The following PDE9A variants were observed in gnomAD, a reference collection of about 807,000 sequenced individuals.
The protein encoded by PDE9A is high affinity cGMP-specific 3',5'-cyclic phosphodiesterase 9A.
PDE9A carries 60 observed loss-of-function variants against 87.4 expected under a neutral mutation model. The observed-to-expected ratio is 0.69, with a 90% confidence interval of 0.56 to 0.85. The LOEUF is 0.85. Among genes scored for constraint, PDE9A ranks in the 40% least tolerant of loss-of-function variants. The pLI is 0.00. For missense variants in PDE9A, 665 were observed against 779.0 expected (o/e 0.85, Z 1.74); for synonymous variants, 272 against 279.4 (o/e 0.97, Z 0.27).
intron 3 of PDE9A, chr21:42,697,328 A>G: frequency 1.3e-6 from 1 of 797,772 alleles, no homozygotes; most frequent in Non-Finnish European, 2.2e-6. Context: ...ACCTGTAACC[A>G]TCAAACCACA....
At position 42,692,930 on chromosome 21, in the gene PDE9A, G is replaced by GC. The variant is rs1321941073; in HGVS notation, c.218+4942dup. Among the ~76,000 whole-genome samples, 2 of 152,044 alleles carry GC rather than the reference G, an allele frequency of 1.3e-5. No individual in the cohort carries two copies. Among genetic ancestry groups the GC allele is most frequent in the Non-Finnish European group, 2.9e-5 (2 of 67,992 alleles). ...CGGGAATGCTCACCGTTTCTCTCCC[G>GC]CCCCCCGGCCGCATGCTGCAGCCAT... On this transcript the variant is annotated intron_variant, in intron 3 of 19. Transcript: ENST00000291539. The surrounding 1 kb of genome is among the most constrained non-coding windows in gnomAD (Gnocchi z 4.3).
chr21:42,739,718 G>A lies in PDE9A; in HGVS notation c.569-4058G>A, dbSNP rs1351886836. ...TAGGTAGCCAGGGAAGCGGATCTCGGTGGACTCTGCACTGTCAATACAAAC... is the reference window on the plus strand; with the variant it reads ...TAGGTAGCCAGGGAAGCGGATCTCGATGGACTCTGCACTGTCAATACAAAC... On this transcript the variant is annotated intron_variant, in intron 7 of 19. Coordinates refer to ENST00000291539, the MANE Select transcript of PDE9A (RefSeq NM_002606.3). This position sits in a 1 kb window ranked among gnomAD's most constrained non-coding sequence, Gnocchi z 4.1. Among the ~76,000 whole-genome samples the A allele has an allele frequency of 6.6e-6, 1 of 151,990 alleles. No homozygotes were observed. Among genetic ancestry groups the A allele is most frequent in the African/African-American group, 2.4e-5 (1 of 41,358 alleles).
In PDE9A at chr21:42,659,334, G is replaced by A. The variant is rs1013844136; in HGVS notation, c.69+5451G>A. Among the ~76,000 whole-genome samples the A allele has an allele frequency of 1.3e-5, 2 of 152,196 alleles. No individual in the cohort carries two copies. Among genetic ancestry groups the A allele is most frequent in the African/African-American group, 2.4e-5 (1 of 41,432 alleles). ...AAACCTCTCAGACTAAACCAATGCCGCCCAATCTGGGAATCCAGGAGGGCT... is the reference window on the plus strand; with the variant it reads ...AAACCTCTCAGACTAAACCAATGCCACCCAATCTGGGAATCCAGGAGGGCT... On this transcript the variant is annotated intron_variant, in intron 1 of 19. Coordinates refer to ENST00000291539, the MANE Select transcript of PDE9A (RefSeq NM_002606.3). The surrounding 1 kb of genome is among the most constrained non-coding windows in gnomAD (Gnocchi z 4.1).
chr21:42,760,047 C>T lies in PDE9A; in HGVS notation c.898-281C>T, dbSNP rs557904466. On this transcript the variant is annotated intron_variant, in intron 11 of 19. Coordinates refer to ENST00000291539, the MANE Select transcript of PDE9A (RefSeq NM_002606.3). The surrounding 1 kb of genome is among the most constrained non-coding windows in gnomAD (Gnocchi z 5.2). Reference sequence around the variant, plus strand: ...ATGCCCCACTGTGGCTCCTCAGACACCTCCGGGGAGACCCCAGTCCTTGAC... The same window carrying T: ...ATGCCCCACTGTGGCTCCTCAGACATCTCCGGGGAGACCCCAGTCCTTGAC... Among the ~76,000 whole-genome samples, 67 of 152,116 alleles carry T rather than the reference C, an allele frequency of 4.4e-4. 1 individual carries two copies. The South Asian group carries it at 0.012, about 28-fold the overall frequency.
intron 19 of PDE9A, among the ~76,000 whole-genome samples, chr21:42,773,645 C>CA (rs924799472): frequency 6.7e-6 from 1 of 148,360 alleles, no homozygotes; most frequent in African/African-American, 2.5e-5. Context: ...ACTTTAAACA[C>CA]AAAAAATTAG....
intron 4 of PDE9A, among the ~76,000 whole-genome samples, chr21:42,719,345 C>G (rs530543665): frequency 2.3e-4 from 35 of 151,854 alleles, no homozygotes; most frequent in African/African-American, 6.3e-4. Context: ...GAATATTATT[C>G]CATTCTAGGC....
Position 42,664,042 on chromosome 21 carries a change from G to A in PDE9A, c.69+10159G>A, listed in dbSNP as rs369499536. ...ATGGATCAGAGAGCCCCCAGAGGAC[G>A]GCCCGGGGCCGAGTCGGGTCCAGAT... On this transcript the variant is annotated intron_variant, in intron 1 of 19. Transcript: ENST00000291539. 5.5e-4 allele frequency among the ~76,000 whole-genome samples: 84 copies of A among 152,316 alleles called. No individual in the cohort carries two copies. The South Asian group carries it at 0.017, about 31-fold the overall frequency.
At position 42,675,636 on chromosome 21, in the gene PDE9A, C is replaced by A. The variant is rs1007749903; in HGVS notation, c.70-10556C>A. Among the ~76,000 whole-genome samples the A allele has an allele frequency of 6.6e-6, 1 of 152,192 alleles. No individual in the cohort carries two copies. The highest frequency in any genetic ancestry group is 1.5e-5 in the Non-Finnish European group (1 of 68,036). On this transcript the variant is annotated intron_variant, in intron 1 of 19. Transcript: ENST00000291539. This position sits in a 1 kb window ranked among gnomAD's most constrained non-coding sequence, Gnocchi z 4.3. ...AGCCTCACTGCCTCTGCGTTAGTGC[C>A]GCCACTTCATCTCAGATACTCTCCT...
intron 1 of PDE9A, among the ~76,000 whole-genome samples, chr21:42,670,210 TAC>T (rs746614596): frequency 4.7e-5 from 5 of 105,496 alleles, no homozygotes; most frequent in Non-Finnish European, 8.5e-5. Context: ...CACATACACT[TAC>T]ATTCACACAC....
At chr21:42,703,511 C>T (rs1207045442) in intron 4 of PDE9A, among the ~76,000 whole-genome samples, 2 of 152,180 alleles carry the variant, frequency 1.3e-5, no homozygotes, top group African/African-American at 4.8e-5. Flanking sequence ...CGCAGGCCAG[C>T]GAAGACAGGC....
At chr21:42,728,253 A>AT (rs906212754) in intron 4 of PDE9A, among the ~76,000 whole-genome samples, 1 of 152,194 alleles carries the variant, frequency 6.6e-6, no homozygotes, top group Non-Finnish European at 1.5e-5. Flanking sequence ...GCATCCTTGG[A>AT]TTTTGGCATC....
chr21:42,745,574 C>T (rs1230849471), intron 8 of PDE9A, among the ~76,000 whole-genome samples: 5 of 152,224 alleles, frequency 3.3e-5, no homozygotes, highest in South Asian at 2.1e-4. Flanking sequence ...GGCTGGGACC[C>T]GGCTTGGCAG....
rs1328972659 is a variant in PDE9A at position 42,704,780 on chromosome 21, G to A, written c.262+5769G>A. On this transcript the variant is annotated intron_variant, in intron 4 of 19. Coordinates refer to ENST00000291539, the MANE Select transcript of PDE9A (RefSeq NM_002606.3). This position sits in a 1 kb window ranked among gnomAD's most constrained non-coding sequence, Gnocchi z 5.3. The stretch of plus-strand genomic sequence containing the variant: ...GGGGGTGGGGGCAGGGTGCAGGGAG[G>A]CCAACGCCACACAGCCCCACACCCA... 3.3e-5 allele frequency among the ~76,000 whole-genome samples: 5 copies of A among 152,078 alleles called. No homozygotes were observed. The highest frequency in any genetic ancestry group is 7.4e-5 in the Non-Finnish European group (5 of 68,004).
intron 18 of PDE9A, among the ~76,000 whole-genome samples, chr21:42,771,640 C>T (rs911858619): frequency 4.6e-5 from 7 of 152,230 alleles, no homozygotes; most frequent in South Asian, 2.1e-4. Context: ...TCTGCCTGGG[C>T]GCTCCTGAAG....
intron 1 of PDE9A, among the ~76,000 whole-genome samples, chr21:42,657,005 C>T (rs765338732): frequency 6.6e-6 from 1 of 152,222 alleles, no homozygotes; most frequent in Admixed American, 6.5e-5. Flanking sequence ...TGAGTGCTGG[C>T]GGAATGGGAA....
intron 1 of PDE9A, among the ~76,000 whole-genome samples, chr21:42,667,586 T>G (rs1229679617): frequency 6.6e-6 from 1 of 152,122 alleles, no homozygotes; most frequent in Non-Finnish European, 1.5e-5. Flanking sequence ...TTGGCCTGCT[T>G]CTCAGATGGT....
chr21:42,680,969 T>C (rs2251273), intron 1 of PDE9A, among the ~76,000 whole-genome samples: 44,324 of 152,148 alleles, frequency 0.29, 6,779 homozygotes, highest in African/African-American at 0.39. Flanking sequence ...ACTCAGAGAC[T>C]TCCTAGAGAC....
rs748534127 is a variant in PDE9A at position 42,775,285 on chromosome 21, T to C, written c.1774T>C (p.Cys592Arg). The change falls in exon 20 of 20, where the codon TGT becomes CGT. Residue 592 changes from cysteine to arginine, a missense_variant. Cys to Arg is a radical substitution (Grantham distance 180, BLOSUM62 -3). Transcript: ENST00000291539. ...CATCGTTTCCCTTCTTCCAGGAGAC[T>C]GTGCCTGAGGAAAGCGGGGGGCGTG... ...SRDVKNSEGD[C>R]A 2 of 1,611,902 alleles carry C rather than the reference T, an allele frequency of 1.2e-6. No homozygotes were observed. The highest frequency in any genetic ancestry group is 8.5e-7 in the Non-Finnish European group (1 of 1,179,120).
chr21:42,689,353 C>G (rs1364102525), intron 3 of PDE9A, among the ~76,000 whole-genome samples: 1 of 152,246 alleles, frequency 6.6e-6, no homozygotes, highest in Non-Finnish European at 1.5e-5. Context: ...GGCTCTGACT[C>G]TTGGCTTCCA....
Sources: allele counts gnomAD v4.1 joint callset (sites outside exome capture counted in the v4.1 genomes callset), GRCh38; gene constraint gnomAD v4.1.1; non-coding constraint Gnocchi (gnomAD v3.1); transcripts MANE v1.5; gene names NCBI Gene and HGNC (gene_info 2026-07-23, HGNC 2026-07-21).